ALPK1: variants seen among roughly 807,000 people sequenced by gnomAD.
ALPK1 encodes alpha kinase 1.
Under a neutral mutation model 120.6 loss-of-function variants are expected in ALPK1, and 110 were observed. The ratio of observed to expected loss-of-function variants is 0.91; its 90% CI spans 0.78 to 1.07. The LOEUF is 1.07. ALPK1 is among the 50% of genes least tolerant of loss of function. The probability of loss-of-function intolerance (pLI) is 0.00; values close to 1 mark genes in which losing one functional copy is unlikely to be tolerated. For missense variants in ALPK1, 1,498 were observed against 1,483.9 expected (o/e 1.01, Z -0.16); for synonymous variants, 582 against 560.3 (o/e 1.04, Z -0.55).
Position 112,427,547 on chromosome 4 carries a change from ACTT to A in ALPK1, c.700-19_700-17del, listed in dbSNP as rs1734292248. 1 of 1,579,678 alleles carries A rather than the reference ACTT, an allele frequency of 6.3e-7. No homozygotes were observed. The highest frequency in any genetic ancestry group is 1.3e-5 in the African/African-American group (1 of 74,306). Reference sequence around the variant, plus strand: ...ATCCACTGTGAATTCCCGATCTGTGACTTCTTTGTGTTTTTCTTACAGGGCCTC... The same window carrying A: ...ATCCACTGTGAATTCCCGATCTGTGACTTTGTGTTTTTCTTACAGGGCCTC... On this transcript the variant is annotated intron_variant, in intron 8 of 15. Coordinates refer to ENST00000650871, the MANE Select transcript of ALPK1 (RefSeq NM_025144.4).
intron 2 of ALPK1, among the ~76,000 whole-genome samples, chr4:112,347,908 A>G (rs1730168805): frequency 6.6e-6 from 1 of 152,232 alleles, no homozygotes; most frequent in East Asian, 1.9e-4. Flanking sequence ...TTCCTGTATC[A>G]CACTGTTAGC....
rs542323393 is a variant in ALPK1 at position 112,347,615 on chromosome 4, G to A, written c.-100-30063G>A. 3.9e-5 allele frequency among the ~76,000 whole-genome samples: 6 copies of A among 152,120 alleles called. No individual in the cohort carries two copies. The South Asian group carries it at 6.2e-4, about 16-fold the overall frequency. On this transcript the variant is annotated intron_variant, in intron 2 of 15. Transcript: ENST00000650871. ...AATTATATAATTATGTTTACTTCTC[G>A]AATGAAGTTGTTTCTGTGGGTTGAA...
At chr4:112,299,971 G>A (rs867899628) in intron 1 of ALPK1, among the ~76,000 whole-genome samples, 1 of 152,078 alleles carries the variant, frequency 6.6e-6, no homozygotes, top group South Asian at 2.1e-4. Context: ...GCTACTAATG[G>A]GTCATAGTAT....
intron 10 of ALPK1, among the ~76,000 whole-genome samples, 170 bp from the exon 11 acceptor site, chr4:112,430,278 T>C (rs892298420): frequency 6.6e-6 from 1 of 152,196 alleles, no homozygotes; most frequent in Non-Finnish European, 1.5e-5. Flanking sequence ...CAAAAAGGCC[T>C]CGGGTCCTTA....
intron 1 of ALPK1, among the ~76,000 whole-genome samples, chr4:112,311,264 T>G (rs1728389686): frequency 6.6e-6 from 1 of 152,232 alleles, no homozygotes; most frequent in Non-Finnish European, 1.5e-5. Flanking sequence ...TCACCAGTGC[T>G]GAATAATGAT....
At chr4:112,326,703 C>T (rs1287403245) in intron 2 of ALPK1, among the ~76,000 whole-genome samples, 4 of 152,124 alleles carry the variant, frequency 2.6e-5, no homozygotes, top group Non-Finnish European at 4.4e-5. Context: ...AAGCAACCTC[C>T]GAAGAAAAAT....
rs1734338998 is a variant in ALPK1 at position 112,428,484 on chromosome 4, G to C, written c.796-665G>C. On this transcript the variant is annotated intron_variant, in intron 9 of 15. Coordinates refer to ENST00000650871, the MANE Select transcript of ALPK1 (RefSeq NM_025144.4). The stretch of plus-strand genomic sequence containing the variant: ...CTTGCTGATGGTAATCTGAATCTAA[G>C]ATGTTGCTTTTTCTGTTTGACCAAA... 2.6e-5 allele frequency among the ~76,000 whole-genome samples: 4 copies of C among 152,194 alleles called. No individual in the cohort carries two copies. In the South Asian group the frequency reaches 8.3e-4, roughly 31 times the overall value.
chr4:112,324,341 G>A (rs60271685), intron 2 of ALPK1, among the ~76,000 whole-genome samples: 70,816 of 143,932 alleles, frequency 0.49, 19,234 homozygotes, highest in African/African-American at 0.72. Flanking sequence ...AAAAAAAAAA[G>A]AAAAAAAAAA....
intron 2 of ALPK1, among the ~76,000 whole-genome samples, chr4:112,318,578 C>T (rs1368475900): frequency 2.0e-5 from 3 of 152,166 alleles, no homozygotes; most frequent in Non-Finnish European, 2.9e-5. Context: ...TTAATTCTGC[C>T]ATATTAGAGT....
intron 2 of ALPK1, among the ~76,000 whole-genome samples, chr4:112,364,203 A>G (rs1163257875): frequency 6.6e-6 from 1 of 151,962 alleles, no homozygotes; most frequent in Non-Finnish European, 1.5e-5. Context: ...AAAAGAAATA[A>G]CAAAGATCAG....
intron 3 of ALPK1, among the ~76,000 whole-genome samples, chr4:112,380,674 A>C (rs1731862106): frequency 6.6e-6 from 1 of 152,114 alleles, no homozygotes; most frequent in African/African-American, 2.4e-5. Context: ...TCACATAGAT[A>C]CTAGATGAAC....
intron 2 of ALPK1, among the ~76,000 whole-genome samples, chr4:112,336,023 C>A (rs910134566): frequency 6.6e-6 from 1 of 152,154 alleles, no homozygotes; most frequent in Non-Finnish European, 1.5e-5. Flanking sequence ...ACCAACCAAC[C>A]AATCCATGCC....
Position 112,439,694 on chromosome 4 carries a change from G to C in ALPK1, c.3360G>C (p.Glu1120Asp). 6.2e-7 allele frequency: 1 copy of C among 1,601,462 alleles called. No homozygotes were observed. The highest frequency in any genetic ancestry group is 1.3e-5 in the African/African-American group (1 of 74,360). The change falls in exon 14 of 16, where the codon GAG (glutamate) becomes GAC (aspartate). Residue 1120 changes from glutamate (E) to aspartate (D), a missense_variant. Glu to Asp is a conservative substitution (Grantham distance 45). Transcript: ENST00000650871. ...YIPSTILLIL[E>D]DKTIKGCISV... ...TCATTGCTATTTTTCAGATTTTAGA[G>C]GACAAGACAATAAAGGGATGTATCA...
In ALPK1 at chr4:112,359,010, G is replaced by A. The variant is rs1730782771; in HGVS notation, c.-100-18668G>A. On this transcript the variant is annotated intron_variant, in intron 2 of 15. Coordinates refer to ENST00000650871, the MANE Select transcript of ALPK1 (RefSeq NM_025144.4). ...GGTCTGTATACAGCTAACAGGACAA[G>A]GCTGTGGCTATCGGCCAGAGCACAG... 6.5e-6 allele frequency: 5 copies of A among 766,702 alleles called. No homozygotes were observed. In the Admixed American group the frequency reaches 8.6e-5, roughly 13 times the overall value. 47.5% of individuals were successfully genotyped at this position (766,702 alleles called of 1,614,324 possible).
chr4:112,408,036 G>A (rs1044979038), intron 4 of ALPK1, among the ~76,000 whole-genome samples: 1 of 152,066 alleles, frequency 6.6e-6, no homozygotes, highest in Non-Finnish European at 1.5e-5. Context: ...GAATCCGAGA[G>A]GCAGAGGTTG....
chr4:112,359,785 G>A (rs1001526047), intron 2 of ALPK1: 5 of 429,592 alleles, frequency 1.2e-5, no homozygotes, highest in Middle Eastern at 6.9e-4. Context: ...AGGAAGCAGA[G>A]CATCATGCAG....
At chr4:112,317,873 T>A (rs1230567141) in intron 2 of ALPK1, among the ~76,000 whole-genome samples, 1 of 152,188 alleles carries the variant, frequency 6.6e-6, no homozygotes, top group Non-Finnish European at 1.5e-5. Flanking sequence ...TAAATGTTAC[T>A]TATTATCCAA....
chr4:112,390,179 C>G (rs1304773245), intron 4 of ALPK1, among the ~76,000 whole-genome samples: 1 of 152,212 alleles, frequency 6.6e-6, no homozygotes, highest in East Asian at 1.9e-4. Flanking sequence ...GCTGCCCCTG[C>G]TGCATCATCT....
Position 112,429,569 on chromosome 4 carries a change from C to T in ALPK1, c.900+316C>T, listed in dbSNP as rs76615902. On this transcript the variant is annotated intron_variant, in intron 10 of 15. Coordinates refer to ENST00000650871, the MANE Select transcript of ALPK1 (RefSeq NM_025144.4). ...CATATTCCTGCCAGGCATGGTGGCTCACGCCTGTAATCCCATCACTTTGGG... is the reference window on the plus strand; with the variant it reads ...CATATTCCTGCCAGGCATGGTGGCTTACGCCTGTAATCCCATCACTTTGGG... Among the ~76,000 whole-genome samples the T allele has an allele frequency of 3.3e-5, 5 of 152,158 alleles. No individual in the cohort carries two copies. In the South Asian group the frequency reaches 6.2e-4, roughly 19 times the overall value.
Sources: allele counts gnomAD v4.1 joint callset (sites outside exome capture counted in the v4.1 genomes callset), GRCh38; gene constraint gnomAD v4.1.1; transcripts MANE v1.5; gene names NCBI Gene and HGNC (gene_info 2026-07-23, HGNC 2026-07-21).